The following ATP2C2 variants were observed in gnomAD, a reference collection of about 807,000 sequenced individuals.
The protein encoded by ATP2C2 is calcium-transporting ATPase type 2C member 2.
Under a neutral mutation model 110.8 loss-of-function variants are expected in ATP2C2, and 171 were observed. That is an observed-to-expected ratio of 1.54 (90% CI 1.36 to 1.75). The LOEUF is 1.75. ATP2C2 is among the 40% of genes most tolerant of loss of function. The pLI, the probability that ATP2C2 is intolerant of heterozygous loss-of-function variation, is 0.00. For missense variants in ATP2C2, 1,963 were observed against 1,235.0 expected (o/e 1.59, Z -8.84); for synonymous variants, 804 against 508.4 (o/e 1.58, Z -7.82).
At chr16:84,419,238 A>AAAAAAT (rs1555559558) in intron 7 of ATP2C2, among the ~76,000 whole-genome samples, 21 of 138,356 alleles carry the variant, frequency 1.5e-4, no homozygotes, top group African/African-American at 5.2e-4. Context: ...AAAAAAAAAA[A>AAAAAAT]GTGCTACTGG....
intron 21 of ATP2C2, among the ~76,000 whole-genome samples, chr16:84,455,255 G>A (rs1194762518): frequency 2.1e-4 from 32 of 152,246 alleles, no homozygotes. Context: ...GGGATTTGCT[G>A]CCTGTGGGTG....
At chr16:84,401,610 T>G (rs1053037852) in intron 2 of ATP2C2, among the ~76,000 whole-genome samples, 1 of 152,232 alleles carries the variant, frequency 6.6e-6, no homozygotes, top group African/African-American at 2.4e-5. Flanking sequence ...TGGATGTTCT[T>G]GACATCTTTG....
intron 11 of ATP2C2, among the ~76,000 whole-genome samples, chr16:84,428,744 C>T (rs1038210605): frequency 6.6e-6 from 1 of 152,114 alleles, no homozygotes; most frequent in African/African-American, 2.4e-5. Flanking sequence ...GACATTCAAA[C>T]CACATCAGAA....
At chr16:84,376,099 G>A (rs1910233322) in intron 1 of ATP2C2, among the ~76,000 whole-genome samples, 1 of 152,196 alleles carries the variant, frequency 6.6e-6, no homozygotes. Context: ...AGGTGGATGG[G>A]ACAGGGGTCT....
intron 6 of ATP2C2, 101 bp downstream of exon 6, chr16:84,410,866 G>T (rs908100609): frequency 3.3e-6 from 4 of 1,205,976 alleles, no homozygotes; most frequent in Non-Finnish European, 4.8e-6. Flanking sequence ...TGGTAGTGTC[G>T]GACAAGAGAA....
Position 84,459,259 on chromosome 16 carries a change from G to A in ATP2C2, c.2217-11G>A, listed in dbSNP as rs1314130540. 3 of 1,614,012 alleles carry A rather than the reference G, an allele frequency of 1.9e-6. No individual in the cohort carries two copies. Among genetic ancestry groups the A allele is most frequent in the South Asian group, 1.1e-5 (1 of 91,082 alleles). On this transcript the variant is annotated splice_polypyrimidine_tract_variant and intron_variant, in intron 22 of 26. Transcript: ENST00000262429. ...GCGGGCGGCCGCTGACTGGCTGCGT[G>A]TGCCCCGCAGGAGCATCTCCGCCCT...
At chr16:84,392,279 A>G (rs980378847) in intron 1 of ATP2C2, among the ~76,000 whole-genome samples, 33 of 152,156 alleles carry the variant, frequency 2.2e-4, no homozygotes, top group African/African-American at 7.0e-4. Context: ...AAAATATCAC[A>G]ATTACCATTA....
intron 26 of ATP2C2, 94 bp downstream of exon 26, chr16:84,462,223 G>A (rs951423826): frequency 8.7e-6 from 13 of 1,499,098 alleles, no homozygotes; most frequent in African/African-American, 2.8e-5. Flanking sequence ...GGAGGGGTCA[G>A]TGCGGGAAAG....
chr16:84,463,892 C>G lies in ATP2C2; in HGVS notation c.*160C>G. ...AAAGCTGCAGGAACCTCGTGGGCTC[C>G]AGGGACCCAGGCCCACATCCATCCA... On this transcript the variant is annotated 3_prime_UTR_variant, in exon 27 of 27. Transcript: ENST00000262429. The G allele has an allele frequency of 1.5e-6, 1 of 656,228 alleles. No homozygotes were observed. Among genetic ancestry groups the G allele is most frequent in the Non-Finnish European group, 2.6e-6 (1 of 378,076 alleles). 40.7% of individuals were successfully genotyped at this position (656,228 alleles called of 1,614,324 possible). A position where few individuals can be genotyped will look rare whatever the true frequency, so the allele number is the denominator to read the frequency against.
intron 1 of ATP2C2, among the ~76,000 whole-genome samples, chr16:84,395,735 G>T (rs779953204): frequency 6.6e-6 from 1 of 151,362 alleles, no homozygotes; most frequent in African/African-American, 2.5e-5. Flanking sequence ...CCTGACTTTA[G>T]ATGATCTGCC....
chr16:84,376,963 C>A (rs16963532), intron 1 of ATP2C2, among the ~76,000 whole-genome samples: 4,372 of 152,284 alleles, frequency 0.029, 194 homozygotes, highest in African/African-American at 0.1. Flanking sequence ...AGTGATTCTT[C>A]TGAATTGTCA....
intron 15 of ATP2C2, among the ~76,000 whole-genome samples, chr16:84,443,873 A>G (rs1251910873): frequency 1.3e-5 from 2 of 152,186 alleles, no homozygotes; most frequent in Admixed American, 1.3e-4. Flanking sequence ...CAGTGTAAGA[A>G]CATTGGAAAG....
chr16:84,381,502 G>C (rs35170858), intron 1 of ATP2C2, among the ~76,000 whole-genome samples: 23,169 of 151,976 alleles, frequency 0.15, 2,226 homozygotes, highest in South Asian at 0.27. Flanking sequence ...GCTTGAACCT[G>C]GGAAGCAGAG....
intron 4 of ATP2C2, among the ~76,000 whole-genome samples, chr16:84,409,051 T>A (rs192075475): frequency 1.2e-4 from 19 of 152,236 alleles, no homozygotes; most frequent in Non-Finnish European, 2.4e-4. Flanking sequence ...TACCAGCCCT[T>A]GGCAACCACC....
intron 11 of ATP2C2, among the ~76,000 whole-genome samples, chr16:84,434,807 C>T (rs1908595820): frequency 6.6e-6 from 1 of 152,280 alleles, no homozygotes; most frequent in South Asian, 2.1e-4. Context: ...TGTGAGCCAC[C>T]ACACCCGGCC....
At chr16:84,402,951 G>T (rs751784311) in intron 2 of ATP2C2, among the ~76,000 whole-genome samples, 1 of 152,064 alleles carries the variant, frequency 6.6e-6, no homozygotes, top group Non-Finnish European at 1.5e-5. Context: ...TTATGGCTTT[G>T]ATCTTATTAC....
At chr16:84,458,423 C>T (rs1357970987) in intron 21 of ATP2C2, among the ~76,000 whole-genome samples, 4 of 139,410 alleles carry the variant, frequency 2.9e-5, no homozygotes, top group Admixed American at 7.2e-5. Flanking sequence ...TGCAGCGCAC[C>T]AGCATGGCAC....
intron 13 of ATP2C2, 79 bp from the exon 14 acceptor site, chr16:84,440,778 C>A: frequency 9.2e-7 from 1 of 1,081,838 alleles, no homozygotes; most frequent in South Asian, 1.3e-5. Context: ...AATGGATCCC[C>A]AGGACAGAGA....
At chr16:84,425,307 G>T (rs1474380431) in intron 10 of ATP2C2, among the ~76,000 whole-genome samples, 1 of 152,098 alleles carries the variant, frequency 6.6e-6, no homozygotes, top group Non-Finnish European at 1.5e-5. Flanking sequence ...AAATGGAAAT[G>T]GAGTATATTT....
Sources: gnomAD v4.1 joint callset for allele counts (sites outside exome capture counted in the v4.1 genomes callset) on GRCh38, gnomAD v4.1.1 for gene constraint, MANE v1.5 for transcripts, NCBI Gene and HGNC (gene_info 2026-07-23, HGNC 2026-07-21) for gene names.